Variants in KLHDC4 observed in about 807,000 individuals in gnomAD.
KLHDC4 encodes kelch domain-containing protein 4.
Under a neutral mutation model 62.4 loss-of-function variants are expected in KLHDC4, and 90 were observed. The ratio of observed to expected loss-of-function variants is 1.44; its 90% CI spans 1.22 to 1.72. The LOEUF (loss-of-function observed/expected upper bound fraction) is 1.72. KLHDC4 is among the 40% of genes most tolerant of loss of function. The probability of loss-of-function intolerance (pLI) is 0.00; values close to 1 mark genes in which losing one functional copy is unlikely to be tolerated. For synonymous variants in KLHDC4, 386 were observed against 284.4 expected, an observed-to-expected ratio of 1.36 and a Z score of -3.59; for missense variants, 1,025 against 699.7, an observed-to-expected ratio of 1.47 and a Z score of -5.25.
At chr16:87,765,456 T>G (rs935624542) in intron 1 of KLHDC4, 1 of 499,562 alleles carries the variant, frequency 2.0e-6, no homozygotes, top group African/African-American at 1.9e-5. Context: ...CCCCTCCCTC[T>G]TCTCACCACC....
chr16:87,758,750 G>A (rs887884182), intron 2 of KLHDC4, among the ~76,000 whole-genome samples: 2 of 152,168 alleles, frequency 1.3e-5, no homozygotes, highest in Admixed American at 1.3e-4. Context: ...AGCTGTCCTG[G>A]GCCACCAGTT....
At chr16:87,719,391 C>G (rs2037791913) in intron 7 of KLHDC4, among the ~76,000 whole-genome samples, 2 of 152,324 alleles carry the variant, frequency 1.3e-5, no homozygotes, top group Admixed American at 1.3e-4. Context: ...CTCTCTGAAA[C>G]ATGTGCTGTG....
chr16:87,741,689 A>C (rs2143015101), intron 5 of KLHDC4, among the ~76,000 whole-genome samples: 1 of 152,318 alleles, frequency 6.6e-6, no homozygotes, highest in South Asian at 2.1e-4. Context: ...CATCGCTGTT[A>C]AAAATGACCA....
chr16:87,721,023 C>G (rs34274445), intron 7 of KLHDC4, among the ~76,000 whole-genome samples: 167 of 152,340 alleles, frequency 1.1e-3, no homozygotes, highest in African/African-American at 3.6e-3. Flanking sequence ...CCATCCACAT[C>G]CGAGACCACC....
intron 5 of KLHDC4, among the ~76,000 whole-genome samples, chr16:87,745,376 G>A (rs1373130424): frequency 1.3e-5 from 2 of 152,150 alleles, no homozygotes; most frequent in African/African-American, 4.8e-5. Flanking sequence ...GGCCCGCCCT[G>A]TGGTGCCTCT....
At chr16:87,727,182 T>TTACCAAGC (rs1555569663) in intron 6 of KLHDC4, among the ~76,000 whole-genome samples, 13 of 18,566 alleles carry the variant, frequency 7.0e-4, no homozygotes, top group Non-Finnish European at 1.1e-3. Context: ...GGCAACATTT[T>TTACCAAGC]CACCTGTTTA....
chr16:87,716,444 G>A (rs974932025), intron 7 of KLHDC4, among the ~76,000 whole-genome samples: 29 of 152,174 alleles, frequency 1.9e-4, no homozygotes, highest in African/African-American at 7.0e-4. Context: ...ACACACAGCT[G>A]CCACTAGGAG....
intron 4 of KLHDC4, chr16:87,751,048 T>C (rs1040417570): frequency 4.6e-5 from 7 of 152,208 alleles, no homozygotes; most frequent in East Asian, 3.8e-4. Flanking sequence ...ACACAGTAAA[T>C]AGAGTTTTAA....
At chr16:87,743,612 C>T (rs1017847046) in intron 5 of KLHDC4, among the ~76,000 whole-genome samples, 3 of 150,508 alleles carry the variant, frequency 2.0e-5, no homozygotes, top group African/African-American at 4.9e-5. Context: ...TGGTGGCGGG[C>T]GCCTGTAGTC....
intron 8 of KLHDC4, among the ~76,000 whole-genome samples, chr16:87,714,080 C>T (rs2036434600): frequency 6.6e-6 from 1 of 152,172 alleles, no homozygotes; most frequent in African/African-American, 2.4e-5. Context: ...CCGCAACCAC[C>T]CCAAGAGCGA....
At chr16:87,720,978 C>A (rs1168979240) in intron 7 of KLHDC4, among the ~76,000 whole-genome samples, 1 of 152,262 alleles carries the variant, frequency 6.6e-6, no homozygotes, top group East Asian at 1.9e-4. Flanking sequence ...GCCCTGCCTG[C>A]TTCCATACCT....
exon 1 of KLHDC4, chr16:87,702,493 C>G (rs542982243): frequency 6.4e-5 from 23 of 358,312 alleles, no homozygotes; most frequent in African/African-American, 4.5e-4. Flanking sequence ...GCACACTTCT[C>G]CGGCAGCAAC....
chr16:87,709,043 C>T (rs1480197809), intron 10 of KLHDC4, among the ~76,000 whole-genome samples: 1 of 152,256 alleles, frequency 6.6e-6, no homozygotes, highest in Non-Finnish European at 1.5e-5. Flanking sequence ...GCCGCAGCTC[C>T]CGTCAGCACC....
chr16:87,718,680 C>T (rs1199300735), intron 7 of KLHDC4, among the ~76,000 whole-genome samples: 1 of 151,678 alleles, frequency 6.6e-6, no homozygotes, highest in South Asian at 2.1e-4. Flanking sequence ...CTCTGCCTGG[C>T]CGCCCATCGT....
intron 6 of KLHDC4, 151 bp from the exon 7 acceptor site, chr16:87,727,075 A>G (rs532656762): frequency 3.1e-4 from 242 of 777,066 alleles, no homozygotes; most frequent in Middle Eastern, 2.8e-4. Context: ...CCAACACAAC[A>G]ATCAACACAG....
chr16:87,756,390 A>G lies in KLHDC4; in HGVS notation c.270+9T>C, dbSNP rs1313182775. 2 of 1,597,116 alleles carry G rather than the reference A, an allele frequency of 1.3e-6. No homozygotes were observed. The highest frequency in any genetic ancestry group is 2.2e-5 in the East Asian group (1 of 44,798). On this transcript the variant is annotated intron_variant, in intron 3 of 11. Coordinates refer to ENST00000270583, the MANE Select transcript of KLHDC4 (RefSeq NM_017566.4). ...ACATGGGAAGAAAAGAAAAAAATAT[A>G]TACTTTACTTTTTGGCCGTTGAAAT... is the stretch of plus-strand genomic sequence containing the variant.
At position 87,761,543 on chromosome 16, in the gene KLHDC4, A is replaced by G. The variant is rs76914677; in HGVS notation, c.191+406T>C. 3.3e-3 allele frequency among the ~76,000 whole-genome samples: 506 copies of G among 152,360 alleles called. 2 individuals are homozygous for G. Among genetic ancestry groups the G allele is most frequent in the African/African-American group, 0.012 (489 of 41,594 alleles). ...ATGGCTTATACTCAATTTATGTTTA[A>G]CAAACTTTTCACATGAGAATTTGAA... On this transcript the variant is annotated intron_variant, in intron 2 of 11. Coordinates refer to ENST00000270583, the MANE Select transcript of KLHDC4 (RefSeq NM_017566.4).
Position 87,762,032 on chromosome 16 carries a change from C to G in KLHDC4, c.108G>C (p.Leu36=). The change falls in exon 2 of 12, where the codon CTG becomes CTC. Residue 36 remains leucine (L), a synonymous_variant. Coordinates refer to ENST00000270583, the MANE Select transcript of KLHDC4 (RefSeq NM_017566.4). ...TCTGGAAATGGGCTATGAGCGCTTC[C>G]AGGTCTTCCTAGGGCAAGCAAGCAG... ...SKRSRKEEED[L]EALIAHFQTL... The G allele has an allele frequency of 6.2e-7, 1 of 1,613,608 alleles. No homozygotes were observed. The highest frequency in any genetic ancestry group is 1.1e-5 in the South Asian group (1 of 91,032).
chr16:87,743,645 C>CA (rs1292157194), intron 5 of KLHDC4, among the ~76,000 whole-genome samples: 6 of 150,902 alleles, frequency 4.0e-5, no homozygotes, highest in Non-Finnish European at 5.9e-5. Context: ...GAGGCTGAGG[C>CA]AAGATAATGG....
Sources: gnomAD v4.1 joint callset for allele counts (sites outside exome capture counted in the v4.1 genomes callset) on GRCh38, gnomAD v4.1.1 for gene constraint, MANE v1.5 for transcripts, NCBI Gene and HGNC (gene_info 2026-07-23, HGNC 2026-07-21) for gene names.